Variants in RGS6 observed in about 807,000 individuals in gnomAD.
RGS6 encodes regulator of G protein signaling 6.
Under a neutral mutation model 78.5 loss-of-function variants are expected in RGS6, and 30 were observed. That is an observed-to-expected ratio of 0.38 (90% confidence interval 0.29 to 0.52). The LOEUF (loss-of-function observed/expected upper bound fraction) is 0.52. RGS6 is among the 20% of genes least tolerant of loss of function. The pLI, the probability that RGS6 is intolerant of heterozygous loss-of-function variation, is 0.85. For missense variants in RGS6, 495 were observed against 609.7 expected (o/e 0.81, Z 1.98); for synonymous variants, 206 against 206.0 (o/e 1.00, Z 0.00).
intron 2 of RGS6, among the ~76,000 whole-genome samples, chr14:72,115,259 C>G (rs2095860654): frequency 6.6e-6 from 1 of 152,172 alleles, no homozygotes; most frequent in Non-Finnish European, 1.5e-5. Flanking sequence ...ACTTACGCAG[C>G]TGTGGGCTCT....
chr14:72,018,964 C>T (rs59707038), intron 2 of RGS6, among the ~76,000 whole-genome samples: 11,309 of 152,026 alleles, frequency 0.074, 974 homozygotes, highest in East Asian at 0.21. Flanking sequence ...TGTGTGTCTT[C>T]TCACCCTCTT....
chr14:72,418,612 G>A (rs2093982103), intron 3 of RGS6, among the ~76,000 whole-genome samples: 1 of 152,238 alleles, frequency 6.6e-6, no homozygotes, highest in Non-Finnish European at 1.5e-5. Flanking sequence ...ATGATGGATA[G>A]AGAGGCACAT....
chr14:72,539,805 C>T (rs189882102), intron 16 of RGS6, among the ~76,000 whole-genome samples: 9 of 152,330 alleles, frequency 5.9e-5, no homozygotes, highest in African/African-American at 2.2e-4. Context: ...GCAAAGCCCC[C>T]CTCTCTGCTC....
At chr14:72,378,689 T>A (rs1463962871) in intron 3 of RGS6, among the ~76,000 whole-genome samples, 1 of 151,998 alleles carries the variant, frequency 6.6e-6, no homozygotes, top group Non-Finnish European at 1.5e-5. Flanking sequence ...TAAGATTAAA[T>A]CAGTAATAAA....
intron 2 of RGS6, among the ~76,000 whole-genome samples, chr14:72,245,433 T>C (rs1285997163): frequency 1.3e-5 from 2 of 152,260 alleles, no homozygotes; most frequent in African/African-American, 4.8e-5. Context: ...TCTATAGATG[T>C]TAAATTAACT....
At chr14:72,314,747 A>G (rs910857063) in intron 2 of RGS6, among the ~76,000 whole-genome samples, 5 of 152,366 alleles carry the variant, frequency 3.3e-5, no homozygotes, top group East Asian at 1.9e-4. Flanking sequence ...GCCAACAGGT[A>G]TAACTCCAAG....
At chr14:72,428,852 G>A (rs1566823717) in intron 3 of RGS6, among the ~76,000 whole-genome samples, 1 of 152,158 alleles carries the variant, frequency 6.6e-6, no homozygotes, top group Non-Finnish European at 1.5e-5. Flanking sequence ...AACTGGATGA[G>A]GTCTTGCTCA....
intron 17 of RGS6, among the ~76,000 whole-genome samples, chr14:72,546,903 A>T (rs897505430): frequency 6.6e-6 from 1 of 152,196 alleles, no homozygotes; most frequent in Non-Finnish European, 1.5e-5. Context: ...TCGCCATGAC[A>T]GTGCCTTCCT....
At chr14:72,295,985 C>T (rs1416331687) in intron 2 of RGS6, among the ~76,000 whole-genome samples, 1 of 152,186 alleles carries the variant, frequency 6.6e-6, no homozygotes, top group Non-Finnish European at 1.5e-5. Context: ...ACAACATTTC[C>T]ATCATGCGGG....
At chr14:72,370,523 G>A (rs2083290398) in intron 3 of RGS6, among the ~76,000 whole-genome samples, 1 of 152,166 alleles carries the variant, frequency 6.6e-6, no homozygotes. Flanking sequence ...TAACCGCACG[G>A]GGAGGGGACG....
At chr14:72,156,531 G>A (rs149686) in intron 2 of RGS6, among the ~76,000 whole-genome samples, 15,744 of 151,308 alleles carry the variant, frequency 0.1, 931 homozygotes, top group East Asian at 0.27. Flanking sequence ...ATGTTCATAC[G>A]TTCACCTTTG....
intron 2 of RGS6, among the ~76,000 whole-genome samples, chr14:72,345,511 A>G (rs2681733): frequency 0.45 from 68,914 of 151,986 alleles, 15,919 homozygotes; most frequent in South Asian, 0.57. Context: ...GAATGGGATG[A>G]TAAAAGAGGG....
intron 2 of RGS6, among the ~76,000 whole-genome samples, chr14:72,150,949 C>A (rs951525163): frequency 2.6e-5 from 4 of 152,104 alleles, no homozygotes; most frequent in African/African-American, 9.7e-5. Flanking sequence ...AATTGTGTAT[C>A]CTCTTTATCA....
intron 2 of RGS6, among the ~76,000 whole-genome samples, chr14:72,224,208 C>G (rs978192724): frequency 6.6e-5 from 10 of 152,146 alleles, no homozygotes; most frequent in African/African-American, 2.2e-4. Flanking sequence ...TGCTTGAGCT[C>G]AGGAGTTCAA....
rs199552071 is a variant in RGS6 at position 72,562,499 on chromosome 14, C to T, written c.*32C>T. ...CTACCGCAGGTCCAGGGCCTGGGCC[C>T]GCGGACCCCACAGGCAGGCGGCGGC... On this transcript the variant is annotated 3_prime_UTR_variant, in exon 18 of 18. Coordinates refer to ENST00000553525, the MANE Select transcript of RGS6 (RefSeq NM_001204424.2). The T allele has an allele frequency of 2.5e-5, 40 of 1,609,868 alleles. No individual in the cohort carries two copies. The highest frequency in any genetic ancestry group is 1.3e-4 in the African/African-American group (10 of 74,924).
At chr14:71,914,102 G>A in the RGS6 span, among the ~76,000 whole-genome samples, 1 of 152,166 alleles carries the variant, frequency 6.6e-6, no homozygotes, top group African/African-American at 2.4e-5. Context: ...TGTGCCGTGC[G>A]CCCTGGCTTT....
intron 2 of RGS6, among the ~76,000 whole-genome samples, chr14:72,312,689 G>A (rs1016466451): frequency 2.0e-5 from 3 of 152,202 alleles, no homozygotes; most frequent in African/African-American, 7.2e-5. Context: ...TGCGTCGACA[G>A]GAGTAATGAA....
At chr14:72,614,728 T>A in the RGS6 span, among the ~76,000 whole-genome samples, 1 of 131,566 alleles carries the variant, frequency 7.6e-6, no homozygotes, top group South Asian at 2.5e-4. Flanking sequence ...TTTGGCCTTT[T>A]TACAAAATAA....
intron 2 of RGS6, among the ~76,000 whole-genome samples, chr14:72,252,098 G>T (rs1594825562): frequency 6.6e-6 from 1 of 152,274 alleles, no homozygotes; most frequent in East Asian, 1.9e-4. Context: ...GGATGCACTT[G>T]TGCTTTTTAG....
Sources: gnomAD v4.1 joint callset for allele counts (sites outside exome capture counted in the v4.1 genomes callset) on GRCh38, gnomAD v4.1.1 for gene constraint, MANE v1.5 for transcripts, NCBI Gene and HGNC (gene_info 2026-07-23, HGNC 2026-07-21) for gene names.